The following SLC14A2 variants were observed in gnomAD, a reference collection of about 807,000 sequenced individuals.
SLC14A2 encodes the protein solute carrier family 14 member 2.
A neutral mutation model predicts 104.6 loss-of-function variants in SLC14A2; 91 were observed. The ratio of observed to expected loss-of-function variants is 0.87; its 90% confidence interval spans 0.73 to 1.04. The LOEUF (loss-of-function observed/expected upper bound fraction) is 1.04. Ranked by LOEUF, SLC14A2 falls within the 50% of genes least tolerant of loss-of-function variation. The pLI is 0.00. For missense variants in SLC14A2, 1,189 were observed against 1,156.0 expected (o/e 1.03, Z -0.41); for synonymous variants, 476 against 466.4 (o/e 1.02, Z -0.27).
rs532768022 is a variant in SLC14A2, at chr18:45,644,098, C to G, written c.1289C>G (p.Pro430Arg). The change falls in exon 10 of 20, where the codon CCC (proline) becomes CGC (arginine). Residue 430 changes from proline (P) to arginine (R), a missense_variant. By Grantham distance (103) the Pro-to-Arg change is moderately radical (BLOSUM62 -2). Transcript: ENST00000255226. The part of the protein sequence containing the change: ...FRLPLSKVTY[P>R]EANRIYYLTV... ...CTCCCACTCAGCAAAGTCACCTACC[C>G]CGAGGCCAACCGCATCTACTACCTG... 6.2e-7 allele frequency: 1 copy of G among 1,614,228 alleles called. No homozygotes were observed. Among genetic ancestry groups the G allele is most frequent in the East Asian group, 2.2e-5 (1 of 44,886 alleles).
chr18:45,520,276 A>G (rs1323229201), intron 2 of SLC14A2, among the ~76,000 whole-genome samples: 1 of 152,202 alleles, frequency 6.6e-6, no homozygotes, highest in Non-Finnish European at 1.5e-5. Context: ...AGTCCCTAAC[A>G]GGTATAAAGC....
chr18:45,582,740 G>A (rs1371517508), intron 2 of SLC14A2, among the ~76,000 whole-genome samples: 1 of 152,034 alleles, frequency 6.6e-6, no homozygotes, highest in Non-Finnish European at 1.5e-5. Context: ...ACTCCTGCTG[G>A]CTCTTCCCTG....
intron 2 of SLC14A2, chr18:45,529,841 C>T (rs570732511): frequency 1.3e-5 from 2 of 152,214 alleles, no homozygotes; most frequent in South Asian, 2.1e-4. Context: ...GTAAAAGTGT[C>T]TGGAATGGAG....
chr18:45,276,280 A>G (rs1375731975), intron 1 of SLC14A2, among the ~76,000 whole-genome samples: 4 of 152,228 alleles, frequency 2.6e-5, no homozygotes, highest in African/African-American at 9.6e-5. Flanking sequence ...ATCAGATGCT[A>G]TGCTAATAGG....
intron 1 of SLC14A2, among the ~76,000 whole-genome samples, chr18:45,273,599 G>A (rs1380822145): frequency 6.6e-6 from 1 of 152,098 alleles, no homozygotes; most frequent in Non-Finnish European, 1.5e-5. Context: ...GTGGAAAGGA[G>A]TGGCCAAGAG....
the SLC14A2 span, among the ~76,000 whole-genome samples, chr18:45,192,697 C>A: frequency 6.6e-6 from 1 of 150,720 alleles, no homozygotes; most frequent in African/African-American, 2.4e-5. Context: ...CACTCTGTTG[C>A]CCAGGCTAGA....
chr18:45,667,940 A>G lies in SLC14A2; in HGVS notation c.1825A>G (p.Ile609Val), dbSNP rs780034431. 1 of 1,614,146 alleles carries G rather than the reference A, an allele frequency of 6.2e-7. No individual in the cohort carries two copies. The highest frequency in any genetic ancestry group is 1.1e-5 in the South Asian group (1 of 91,084). The change falls in exon 14 of 20, where the codon ATC becomes GTC. Residue 609 changes from isoleucine (I) to valine (V), a missense_variant. Coordinates refer to ENST00000255226, the MANE Select transcript of SLC14A2 (RefSeq NM_007163.4). ...CATCCTCATCATCCTCGGCCTCTTCATCCAGAACCCCTGGTGGGCGATCTC... is the reference window on the plus strand; with the variant it reads ...CATCCTCATCATCCTCGGCCTCTTCGTCCAGAACCCCTGGTGGGCGATCTC... ...SGILIILGLF[I>V]QNPWWAISGC... is the part of the protein sequence containing the mutation.
At chr18:45,173,540 A>G in the SLC14A2 span, among the ~76,000 whole-genome samples, 1 of 152,040 alleles carries the variant, frequency 6.6e-6, no homozygotes, top group East Asian at 1.9e-4. Context: ...TGACTCAGCA[A>G]AATAACCCGA....
At chr18:45,507,141 C>T (rs2852312) in intron 2 of SLC14A2, 114,206 of 152,110 alleles carry the variant, frequency 0.75, 46,040 homozygotes, top group Non-Finnish European at 0.9. Context: ...GACATCATAA[C>T]CCCGGGTCCC....
rs530815193 is a variant in SLC14A2 at position 45,623,152 on chromosome 18, G to A, written c.-34-1479G>A. Among the ~76,000 whole-genome samples, 4 of 152,178 alleles carry A rather than the reference G, an allele frequency of 2.6e-5. No homozygotes were observed. The South Asian group carries it at 8.3e-4, about 32-fold the overall frequency. ...TGAAGGGCTGTCAGAGGGGTCACCTGAGCAGGTGAGCCAAATGTGCAAGAG... is the reference window on the plus strand; with the variant it reads ...TGAAGGGCTGTCAGAGGGGTCACCTAAGCAGGTGAGCCAAATGTGCAAGAG... On this transcript the variant is annotated intron_variant, in intron 1 of 19. Coordinates refer to ENST00000255226, the MANE Select transcript of SLC14A2 (RefSeq NM_007163.4).
At chr18:45,458,758 G>T (rs960492426) in intron 1 of SLC14A2, among the ~76,000 whole-genome samples, 1 of 152,148 alleles carries the variant, frequency 6.6e-6, no homozygotes, top group Non-Finnish European at 1.5e-5. Context: ...GACAGCCTCT[G>T]AGTCCCAGTG....
intron 1 of SLC14A2, among the ~76,000 whole-genome samples, chr18:45,353,826 C>T (rs186254735): frequency 6.6e-6 from 1 of 152,314 alleles, no homozygotes; most frequent in Admixed American, 6.5e-5. Flanking sequence ...ATTAGTCTAC[C>T]TATGGCTGCT....
chr18:45,280,384 G>A (rs1599639134), intron 1 of SLC14A2, among the ~76,000 whole-genome samples: 1 of 152,136 alleles, frequency 6.6e-6, no homozygotes. Flanking sequence ...GGCATATAAG[G>A]GTGTTAAGGG....
chr18:45,464,956 G>A (rs2087113438), intron 1 of SLC14A2, among the ~76,000 whole-genome samples: 2 of 152,172 alleles, frequency 1.3e-5, no homozygotes, highest in East Asian at 1.9e-4. Context: ...TCATGGCAGT[G>A]AGAAGGAAAG....
At chr18:45,649,123 C>T (rs541101478) in intron 10 of SLC14A2, among the ~76,000 whole-genome samples, 169 of 152,094 alleles carry the variant, frequency 1.1e-3, no homozygotes, top group African/African-American at 4.0e-3. Context: ...GTGAGCGAGC[C>T]GAGATCGTGC....
chr18:45,181,580 C>T, the SLC14A2 span, among the ~76,000 whole-genome samples: 1 of 151,952 alleles, frequency 6.6e-6, no homozygotes, highest in African/African-American at 2.4e-5. Context: ...TATAAAATTC[C>T]CAGATACATA....
intron 1 of SLC14A2, among the ~76,000 whole-genome samples, chr18:45,222,516 G>C (rs547426508): frequency 3.9e-5 from 6 of 152,208 alleles, no homozygotes; most frequent in Non-Finnish European, 7.3e-5. Flanking sequence ...AGAAAAGCTT[G>C]ACAGAGAAGT....
At chr18:45,284,257 A>G (rs927212862) in intron 1 of SLC14A2, among the ~76,000 whole-genome samples, 4 of 151,990 alleles carry the variant, frequency 2.6e-5, no homozygotes, top group African/African-American at 7.3e-5. Flanking sequence ...TATTCTCCTT[A>G]CTTTGCTTTG....
At chr18:45,619,097 C>G (rs954947001) in intron 1 of SLC14A2, among the ~76,000 whole-genome samples, 1 of 152,220 alleles carries the variant, frequency 6.6e-6, no homozygotes, top group Non-Finnish European at 1.5e-5. Context: ...CTTTGATTGC[C>G]TGCTGACATC....
Sources: allele counts gnomAD v4.1 joint callset (sites outside exome capture counted in the v4.1 genomes callset), GRCh38; gene constraint gnomAD v4.1.1; transcripts MANE v1.5; gene names NCBI Gene and HGNC (gene_info 2026-07-23, HGNC 2026-07-21).